ZNF14: variants seen among roughly 807,000 people sequenced by gnomAD.
ZNF14 encodes zinc finger protein 14.
In ZNF14, 9 loss-of-function variants were observed where a neutral mutation model predicts 11.3. That is an observed-to-expected ratio of 0.80 (90% confidence interval 0.48 to 1.39). The LOEUF (loss-of-function observed/expected upper bound fraction) is 1.39. Among genes scored for constraint, ZNF14 ranks in the 40% most tolerant of loss-of-function variants. ZNF14 has a pLI of 0.00. For synonymous variants in ZNF14, 239 were observed against 245.7 expected, an observed-to-expected ratio of 0.97 and a Z score of 0.25; for missense variants, 711 against 763.9, an observed-to-expected ratio of 0.93 and a Z score of 0.82.
At position 19,711,757 on chromosome 19, in the gene ZNF14, G is replaced by T; in HGVS notation, c.1524C>A (p.Cys508Ter). The T allele has an allele frequency of 6.2e-7, 1 of 1,610,908 alleles. No homozygotes were observed. The highest frequency in any genetic ancestry group is 8.5e-7 in the Non-Finnish European group (1 of 1,179,214). ...TGEKPYECKL[C>*]GKTFSFSSSL... The stretch of plus-strand genomic sequence containing the variant: ...AACTTGAAAAACTGAAGGTTTTACC[G>T]CATAGTTTACATTCATAGGGTTTCT... The change falls in exon 4 of 4, where the codon TGC becomes TGA. Residue 508 changes from cysteine to a stop codon, truncating the protein, a stop_gained. Coordinates refer to ENST00000344099, the MANE Select transcript of ZNF14 (RefSeq NM_021030.3). LOFTEE classifies it low-confidence loss of function (END_TRUNC).
rs1379448070 is a variant in ZNF14 at position 19,733,088 on chromosome 19, G to C, written c.-130C>G. 5 of 1,180,264 alleles carry C rather than the reference G, an allele frequency of 4.2e-6. No homozygotes were observed. Among genetic ancestry groups the C allele is most frequent in the Non-Finnish European group, 6.0e-6 (5 of 832,950 alleles). 73.1% of individuals were successfully genotyped at this position (1,180,264 alleles called of 1,614,324 possible). A position where few individuals can be genotyped will look rare whatever the true frequency, so the allele number is the denominator to read the frequency against. ...GCAGGTGAAACGCAATCTTCCCATG[G>C]GCCAGGAATGGCGACGTCCGCACTG... On this transcript the variant is annotated 5_prime_UTR_variant, in exon 1 of 4. Transcript: ENST00000344099.
In ZNF14 at chr19:19,722,027, G is replaced by A. The variant is rs73924842; in HGVS notation, c.4-7540C>T. Among the ~76,000 whole-genome samples the A allele has an allele frequency of 1.0e-2, 1,500 of 150,450 alleles. 28 individuals are homozygous for A. The highest frequency in any genetic ancestry group is 0.035 in the African/African-American group (1,431 of 40,944). On this transcript the variant is annotated intron_variant, in intron 1 of 3. Transcript: ENST00000344099. Reference sequence around the variant, plus strand: ...GTGTAGCTTCTCAGTTGGTCTTACCGCCTTTCTCATTCACCTCTGCTAGTC... The same window carrying A: ...GTGTAGCTTCTCAGTTGGTCTTACCACCTTTCTCATTCACCTCTGCTAGTC...
chr19:19,723,467 T>C (rs2062398644), intron 1 of ZNF14, among the ~76,000 whole-genome samples: 2 of 152,254 alleles, frequency 1.3e-5, no homozygotes, highest in African/African-American at 4.8e-5. Context: ...TTTGATGTGC[T>C]GCTGGATTCA....
chr19:19,714,512 A>G (rs772043260), intron 1 of ZNF14, 25 bp from the exon 2 acceptor site: 9 of 1,604,924 alleles, frequency 5.6e-6, no homozygotes, highest in Non-Finnish European at 7.6e-6. Context: ...ATATGTTTAC[A>G]GAGGATGGGT....
chr19:19,711,569 GAAGA>G lies in ZNF14; in HGVS notation c.1708_1711del (p.Ser570ProfsTer135). 6.2e-7 allele frequency: 1 copy of G among 1,613,590 alleles called. No individual in the cohort carries two copies. The highest frequency in any genetic ancestry group is 8.5e-7 in the Non-Finnish European group (1 of 1,179,758). ...TCTCTCATGCATTCGAAATTTACTG[GAAGA>G]AATGAAGGCTTTTCCACATTGTTTA... On this transcript the variant is annotated frameshift_variant, in exon 4 of 4. Coordinates refer to ENST00000344099, the MANE Select transcript of ZNF14 (RefSeq NM_021030.3). LOFTEE classifies it low-confidence loss of function (END_TRUNC).
Position 19,711,223 on chromosome 19 carries a change from A to G in ZNF14, c.*129T>C, listed in dbSNP as rs2062358410. 1 of 1,106,760 alleles carries G rather than the reference A, an allele frequency of 9.0e-7. No individual in the cohort carries two copies. The highest frequency in any genetic ancestry group is 1.6e-5 in the African/African-American group (1 of 63,540). The allele number at this position is 1,106,760 out of a possible 1,614,324, so 68.6% of individuals were successfully genotyped here. On this transcript the variant is annotated 3_prime_UTR_variant, in exon 4 of 4. Transcript: ENST00000344099. Reference sequence around the variant, plus strand: ...ACCAGTGGGAATTCTTTCGTGCTCAAAAGAAACTGGAACAATTAAGGGCTT... The same window carrying G: ...ACCAGTGGGAATTCTTTCGTGCTCAGAAGAAACTGGAACAATTAAGGGCTT...
intron 1 of ZNF14, among the ~76,000 whole-genome samples, chr19:19,728,241 G>A (rs1599472399): frequency 7.5e-6 from 1 of 133,150 alleles, no homozygotes; most frequent in Non-Finnish European, 1.7e-5. Context: ...ACTGGGGCCA[G>A]GTGCAGAGGC....
intron 1 of ZNF14, among the ~76,000 whole-genome samples, chr19:19,729,520 T>C (rs550634621): frequency 1.3e-5 from 2 of 152,216 alleles, no homozygotes; most frequent in South Asian, 4.1e-4. Flanking sequence ...TTTCACCACG[T>C]TGGCCAGGCT....
In ZNF14 at chr19:19,718,492, G is replaced by A. The variant is rs545510763; in HGVS notation, c.4-4005C>T. Among the ~76,000 whole-genome samples the A allele has an allele frequency of 2.0e-3, 307 of 152,022 alleles. 1 individual carries two copies. The highest frequency in any genetic ancestry group is 0.01 in the Middle Eastern group (3 of 292). On this transcript the variant is annotated intron_variant, in intron 1 of 3. Coordinates refer to ENST00000344099, the MANE Select transcript of ZNF14 (RefSeq NM_021030.3). ...ACATCAGAAGATCCAAAAACTGTCAGAAAATTACAAAAAGTGGAACATACA... is the reference window on the plus strand; with the variant it reads ...ACATCAGAAGATCCAAAAACTGTCAAAAAATTACAAAAAGTGGAACATACA...
At chr19:19,719,590 A>C (rs2062386804) in intron 1 of ZNF14, among the ~76,000 whole-genome samples, 1 of 152,260 alleles carries the variant, frequency 6.6e-6, no homozygotes, top group Admixed American at 6.5e-5. Context: ...AAAACAACAA[A>C]AAACTATAAT....
chr19:19,727,204 C>T (rs1599472118), intron 1 of ZNF14, among the ~76,000 whole-genome samples: 1 of 134,196 alleles, frequency 7.5e-6, no homozygotes, highest in East Asian at 2.1e-4. Context: ...CTTGGAGCCT[C>T]AAGGCCGAGT....
chr19:19,717,097 C>G (rs989089011), intron 1 of ZNF14, among the ~76,000 whole-genome samples: 6 of 152,170 alleles, frequency 3.9e-5, no homozygotes, highest in African/African-American at 1.4e-4. Flanking sequence ...AGGTTAAGGA[C>G]TCAGTCCCAC....
intron 1 of ZNF14, among the ~76,000 whole-genome samples, chr19:19,724,087 T>C (rs1217217072): frequency 7.5e-6 from 1 of 133,308 alleles, no homozygotes; most frequent in South Asian, 2.5e-4. Flanking sequence ...CTCCTTCAGT[T>C]CTGCTCTGAT....
chr19:19,711,787 AGT>A lies in ZNF14; in HGVS notation c.1492_1493del (p.Thr498TrpfsTer6). The A allele has an allele frequency of 6.2e-7, 1 of 1,613,550 alleles. No individual in the cohort carries two copies. The highest frequency in any genetic ancestry group is 1.7e-4 in the Middle Eastern group (1 of 6,058). ...SSFRLHERTHTGEKPYECKLC... is the reference protein window; with the variant it reads ...SSFRLHERTHXGEKPYECKLC... ...GTTTACATTCATAGGGTTTCTCTCC[AGT>A]GTGTGTTCTTTCATGCAGTCGAAAG... is the stretch of plus-strand genomic sequence containing the variant. On this transcript the variant is annotated frameshift_variant, in exon 4 of 4. Coordinates refer to ENST00000344099, the MANE Select transcript of ZNF14 (RefSeq NM_021030.3). LOFTEE classifies it low-confidence loss of function (END_TRUNC).
At chr19:19,727,008 G>GT (rs2062408230) in intron 1 of ZNF14, among the ~76,000 whole-genome samples, 1 of 134,030 alleles carries the variant, frequency 7.5e-6, no homozygotes, top group East Asian at 2.1e-4. Context: ...ACTAGGAAAG[G>GT]GAATTCCCCG....
chr19:19,712,849 T>C lies in ZNF14; in HGVS notation c.432A>G (p.Lys144=). Residue 144 remains lysine, a synonymous_variant, in exon 4 of 4, where the codon AAA becomes AAG. Transcript: ENST00000344099. Reference sequence around the variant, plus strand: ...GATAACTGAAGGTTTTCCCAACTGCTTTACATTTACATGGTTGCTTTTCAT... The same window carrying C: ...GATAACTGAAGGTTTTCCCAACTGCCTTACATTTACATGGTTGCTTTTCAT... ...QEYEKQPCKC[K]AVGKTFSYHH... 6.2e-7 allele frequency: 1 copy of C among 1,614,208 alleles called. No homozygotes were observed. Among genetic ancestry groups the C allele is most frequent in the African/African-American group, 1.3e-5 (1 of 75,066 alleles).
At chr19:19,714,208 T>C in intron 2 of ZNF14, 57 bp from the exon 3 acceptor site, 2 of 1,594,234 alleles carry the variant, frequency 1.3e-6, no homozygotes, top group Non-Finnish European at 1.7e-6. Flanking sequence ...AGAAAATTGT[T>C]ACAGTCTAGT....
rs926773186 is a variant in ZNF14, at chr19:19,732,924, C to T, written c.3+32G>A. 8 of 1,612,834 alleles carry T rather than the reference C, an allele frequency of 5.0e-6. No individual in the cohort carries two copies. In the African/African-American group the frequency reaches 8.0e-5, roughly 16 times the overall value. ...GGCCACAGACGGTTCCAACCAGAAACCTCCCCTCGGACACTGGCCCCGCAC... is the reference window on the plus strand; with the variant it reads ...GGCCACAGACGGTTCCAACCAGAAATCTCCCCTCGGACACTGGCCCCGCAC... On this transcript the variant is annotated intron_variant, in intron 1 of 3. Coordinates refer to ENST00000344099, the MANE Select transcript of ZNF14 (RefSeq NM_021030.3).
chr19:19,727,595 A>G (rs1267241354), intron 1 of ZNF14, among the ~76,000 whole-genome samples: 1 of 134,016 alleles, frequency 7.5e-6, no homozygotes, highest in African/African-American at 2.8e-5. Flanking sequence ...TCACACGATT[A>G]CCAGAACACA....
Sources: allele counts gnomAD v4.1 joint callset (sites outside exome capture counted in the v4.1 genomes callset), GRCh38; gene constraint gnomAD v4.1.1; transcripts MANE v1.5; gene names NCBI Gene and HGNC (gene_info 2026-07-23, HGNC 2026-07-21).